Variants in DIO2 observed in about 807,000 individuals in gnomAD.
DIO2 encodes the protein type II iodothyronine deiodinase.
A neutral mutation model predicts 21.4 loss-of-function variants in DIO2; 19 were observed. The ratio of observed to expected loss-of-function variants is 0.89; its 90% confidence interval spans 0.62 to 1.30. The LOEUF (loss-of-function observed/expected upper bound fraction) is 1.30. Among genes scored for constraint, DIO2 ranks in the 50% most tolerant of loss-of-function variants. The probability of loss-of-function intolerance (pLI) is 0.00; values close to 1 mark genes in which losing one functional copy is unlikely to be tolerated. For missense variants in DIO2, 302 were observed against 338.1 expected, an observed-to-expected ratio of 0.89 and a Z score of 0.84; for synonymous variants, 122 against 132.9, an observed-to-expected ratio of 0.92 and a Z score of 0.57.
chr14:80,229,341 G>A (rs941203502), intron 2 of DIO2, among the ~76,000 whole-genome samples: 1 of 152,124 alleles, frequency 6.6e-6, no homozygotes, highest in Non-Finnish European at 1.5e-5. Flanking sequence ...ATGGTTGAGT[G>A]CTGCCACTTG....
At chr14:80,208,380 A>T (rs996530774) in intron 1 of DIO2, among the ~76,000 whole-genome samples, 1 of 149,608 alleles carries the variant, frequency 6.7e-6, no homozygotes, top group Non-Finnish European at 1.5e-5. Flanking sequence ...GGGTTTATTT[A>T]AAAAAAAAAG....
In DIO2 at chr14:80,227,109, C is replaced by T. The variant is rs116178577; in HGVS notation, c.-277-10372G>A. ...GGAAGATTTCCTTCCACTGCTGTCC[C>T]CCAGTGATGTCCTAGAAAGGGGCTG... On this transcript the variant is annotated intron_variant, in intron 2 of 4. Transcript: ENST00000553594. Among the ~76,000 whole-genome samples, 236 of 152,240 alleles carry T rather than the reference C, an allele frequency of 1.6e-3. 1 individual carries two copies. Among genetic ancestry groups the T allele is most frequent in the African/African-American group, 5.5e-3 (227 of 41,546 alleles).
Position 80,198,716 on chromosome 14 carries a change from A to T in DIO2, c.*3973T>A, listed in dbSNP as rs953994298. 1 of 150,034 alleles carries T rather than the reference A, an allele frequency of 6.7e-6. No individual in the cohort carries two copies. The highest frequency in any genetic ancestry group is 1.5e-5 in the Non-Finnish European group (1 of 67,512). 9.3% of individuals were successfully genotyped at this position (150,034 alleles called of 1,614,324 possible). A position where few individuals can be genotyped will look rare whatever the true frequency, so the allele number is the denominator to read the frequency against. Reference sequence around the variant, plus strand: ...ATTCTATTTTTAGAGTGAAGGAGGAAGTTGGAATCTAACTATATATATTTT... The same window carrying T: ...ATTCTATTTTTAGAGTGAAGGAGGATGTTGGAATCTAACTATATATATTTT... On this transcript the variant is annotated 3_prime_UTR_variant, in exon 2 of 2. Coordinates refer to ENST00000438257, the MANE Select transcript of DIO2 (RefSeq NM_013989.5).
At chr14:80,225,967 T>C (rs1414810372) in intron 2 of DIO2, among the ~76,000 whole-genome samples, 2 of 152,138 alleles carry the variant, frequency 1.3e-5, no homozygotes, top group African/African-American at 4.8e-5. Context: ...GATGGCAGCA[T>C]TCCTCCCTCT....
intron 2 of DIO2, among the ~76,000 whole-genome samples, chr14:80,225,670 T>G (rs574448181): frequency 2.7e-5 from 4 of 150,732 alleles, no homozygotes; most frequent in Non-Finnish European, 6.0e-5. Context: ...AGGTCGTGGG[T>G]TTTTTTTCCT....
At position 80,203,081 on chromosome 14, in the gene DIO2, G is replaced by A. The variant is rs553834317; in HGVS notation, c.430C>T (p.Arg144Cys). The A allele has an allele frequency of 1.1e-5, 17 of 1,613,892 alleles. No homozygotes were observed. The highest frequency in any genetic ancestry group is 2.2e-5 in the East Asian group (1 of 44,870). ...PPFTSQLPAF[R>C]KLVEEFSSVA... ...GAGGAGAACTCTTCCACCAGTTTGCGGAAGGCTGGCAGCTGGCTCGTGAAA... is the reference window on the plus strand; with the variant it reads ...GAGGAGAACTCTTCCACCAGTTTGCAGAAGGCTGGCAGCTGGCTCGTGAAA... Residue 144 changes from arginine to cysteine, a missense_variant, in exon 2 of 2, where the codon CGC becomes TGC. Transcript: ENST00000438257.
Position 80,198,883 on chromosome 14 carries a change from G to A in DIO2, c.*3806C>T, listed in dbSNP as rs1168927494. 1 of 151,988 alleles carries A rather than the reference G, an allele frequency of 6.6e-6. No individual in the cohort carries two copies. Among genetic ancestry groups the A allele is most frequent in the Non-Finnish European group, 1.5e-5 (1 of 68,014 alleles). The allele number at this position is 151,988 out of a possible 1,614,324, so 9.4% of individuals were successfully genotyped here. On this transcript the variant is annotated 3_prime_UTR_variant, in exon 2 of 2. Transcript: ENST00000438257. Reference sequence around the variant, plus strand: ...TGAAAAGCTCTAAATGCTAGTAAAGGTTTTCATTAATCCTTCAGTGGGACG... The same window carrying A: ...TGAAAAGCTCTAAATGCTAGTAAAGATTTTCATTAATCCTTCAGTGGGACG...
chr14:80,218,971 C>G (rs540486144), intron 2 of DIO2, among the ~76,000 whole-genome samples: 2 of 152,238 alleles, frequency 1.3e-5, no homozygotes, highest in South Asian at 4.2e-4. Flanking sequence ...GAGTGAGACT[C>G]TGTCTCAAAA....
Position 80,202,015 on chromosome 14 carries a change from ACTCT to A in DIO2, c.*670_*673del, listed in dbSNP as rs552062810. 2 of 174,246 alleles carry A rather than the reference ACTCT, an allele frequency of 1.1e-5. No individual in the cohort carries two copies. The highest frequency in any genetic ancestry group is 2.4e-5 in the Non-Finnish European group (2 of 83,080). 10.8% of individuals were successfully genotyped at this position (174,246 alleles called of 1,614,324 possible). On this transcript the variant is annotated 3_prime_UTR_variant, in exon 2 of 2. Coordinates refer to ENST00000438257, the MANE Select transcript of DIO2 (RefSeq NM_013989.5). Reference sequence around the variant, plus strand: ...TTGTCAATTTCATTTCTTTTTTACCACTCTCTCCACCTGCCTAGAAATTAACCCT... The same window carrying A: ...TTGTCAATTTCATTTCTTTTTTACCACTCCACCTGCCTAGAAATTAACCCT...
intron 2 of DIO2, among the ~76,000 whole-genome samples, chr14:80,220,040 T>G (rs911477961): frequency 6.7e-6 from 1 of 149,994 alleles, no homozygotes; most frequent in African/African-American, 2.5e-5. Context: ...CAATCTTGTT[T>G]TGTGTGTGTG....
chr14:80,201,699 C>A lies in DIO2; in HGVS notation c.*990G>T, dbSNP rs1156347109. On this transcript the variant is annotated 3_prime_UTR_variant, in exon 2 of 2. Coordinates refer to ENST00000438257, the MANE Select transcript of DIO2 (RefSeq NM_013989.5). Reference sequence around the variant, plus strand: ...AATTAACCCACTGAAAATATACATACCACATACATGGTTCAAAAGTAATTA... The same window carrying A: ...AATTAACCCACTGAAAATATACATAACACATACATGGTTCAAAAGTAATTA... The A allele has an allele frequency of 6.6e-6, 1 of 152,184 alleles. No individual in the cohort carries two copies. The highest frequency in any genetic ancestry group is 2.4e-5 in the African/African-American group (1 of 41,428). 9.4% of individuals were successfully genotyped at this position (152,184 alleles called of 1,614,324 possible).
intron 1 of DIO2, among the ~76,000 whole-genome samples, chr14:80,203,491 T>G (rs7493356): frequency 6.6e-6 from 1 of 152,082 alleles, no homozygotes; most frequent in Non-Finnish European, 1.5e-5. Flanking sequence ...CAAAAGACAA[T>G]AAAAGTCTTT....
chr14:80,217,388 A>AATTTT (rs2074681097), intron 2 of DIO2, among the ~76,000 whole-genome samples: 1 of 152,236 alleles, frequency 6.6e-6, no homozygotes, highest in Non-Finnish European at 1.5e-5. Context: ...ACAACACAAC[A>AATTTT]GAGCCACTGG....
At chr14:80,229,990 G>A (rs573745096) in intron 2 of DIO2, among the ~76,000 whole-genome samples, 16 of 152,184 alleles carry the variant, frequency 1.1e-4, no homozygotes, top group Admixed American at 2.6e-4. Flanking sequence ...GCAAACAGGG[G>A]TGTTGGGGGT....
chr14:80,213,537 A>T (rs536105631), upstream of DIO2, among the ~76,000 whole-genome samples: 1 of 152,210 alleles, frequency 6.6e-6, no homozygotes, highest in African/African-American at 2.4e-5. Flanking sequence ...CCTTTAAAAA[A>T]ACAATAATCA....
chr14:80,203,741 C>T (rs957146605), intron 1 of DIO2, among the ~76,000 whole-genome samples: 5 of 152,200 alleles, frequency 3.3e-5, no homozygotes, highest in African/African-American at 1.2e-4. Context: ...AATTCTGAAA[C>T]ACCAGGCAGG....
At chr14:80,225,072 T>A (rs1888545235) in intron 2 of DIO2, among the ~76,000 whole-genome samples, 1 of 152,200 alleles carries the variant, frequency 6.6e-6, no homozygotes, top group Non-Finnish European at 1.5e-5. Context: ...CTTCCTGCTT[T>A]ATATTCACTG....
In DIO2 at chr14:80,211,244, A is replaced by G; in HGVS notation, c.222+7T>C. On this transcript the variant is annotated splice_region_variant and intron_variant, in intron 1 of 1. Coordinates refer to ENST00000438257, the MANE Select transcript of DIO2 (RefSeq NM_013989.5). ...CCTAGGGAGAAGCCCTTCTCAGCTC[A>G]GCTCACCTGTTTGTAGGCATCGAGG... The G allele has an allele frequency of 6.2e-7, 1 of 1,606,770 alleles. No homozygotes were observed. Among genetic ancestry groups the G allele is most frequent in the Non-Finnish European group, 8.5e-7 (1 of 1,178,642 alleles).
rs755772856 is a variant in DIO2, at chr14:80,200,518, G to A, written c.*2171C>T. 1 of 152,226 alleles carries A rather than the reference G, an allele frequency of 6.6e-6. No individual in the cohort carries two copies. Among genetic ancestry groups the A allele is most frequent in the African/African-American group, 2.4e-5 (1 of 41,408 alleles). 9.4% of individuals were successfully genotyped at this position (152,226 alleles called of 1,614,324 possible). ...CAACAGTGTGAATGTGCTGCAACCA[G>A]GTTTTTTATTTTACTGCTTTAGGGT... On this transcript the variant is annotated 3_prime_UTR_variant, in exon 2 of 2. Transcript: ENST00000438257.
Sources: allele counts gnomAD v4.1 joint callset (sites outside exome capture counted in the v4.1 genomes callset), GRCh38; gene constraint gnomAD v4.1.1; transcripts MANE v1.5; gene names NCBI Gene and HGNC (gene_info 2026-07-23, HGNC 2026-07-21).